SFMBT2: variants seen among roughly 807,000 people sequenced by gnomAD.
SFMBT2 encodes Scm like with four mbt domains 2.
SFMBT2 carries 38 observed loss-of-function variants against 110.1 expected under a neutral mutation model. The ratio of observed to expected loss-of-function variants is 0.35; its 90% CI spans 0.27 to 0.45. The LOEUF (loss-of-function observed/expected upper bound fraction) is 0.45. SFMBT2 is among the 20% of genes least tolerant of loss of function. SFMBT2 has a pLI of 1.00. For synonymous variants in SFMBT2, 425 were observed against 425.4 expected (o/e 1.00, Z 0.01); for missense variants, 1,011 against 1,094.9 (o/e 0.92, Z 1.08).
chr10:7,279,457 C>G (rs986827946), intron 6 of SFMBT2, among the ~76,000 whole-genome samples: 7 of 152,236 alleles, frequency 4.6e-5, no homozygotes, highest in Admixed American at 3.9e-4. Flanking sequence ...TGAAAATCAA[C>G]TGCAGTTTTG....
chr10:7,386,958 C>A (rs1845625377), intron 1 of SFMBT2, among the ~76,000 whole-genome samples: 1 of 152,200 alleles, frequency 6.6e-6, no homozygotes, highest in African/African-American at 2.4e-5. Flanking sequence ...TGAACCCACA[C>A]AACTGGCTCC....
chr10:7,184,652 G>T (rs1184233036), intron 16 of SFMBT2, among the ~76,000 whole-genome samples: 1 of 151,998 alleles, frequency 6.6e-6, no homozygotes, highest in Admixed American at 6.6e-5. Flanking sequence ...ATAACCACCG[G>T]CACGGCCCAA....
chr10:7,266,871 G>A (rs1841410420), intron 7 of SFMBT2, among the ~76,000 whole-genome samples: 1 of 152,184 alleles, frequency 6.6e-6, no homozygotes, highest in Non-Finnish European at 1.5e-5. Context: ...GCAGAGAAGG[G>A]TTCACCTGGG....
intron 1 of SFMBT2, among the ~76,000 whole-genome samples, chr10:7,401,053 A>G (rs1301736748): frequency 6.6e-6 from 1 of 152,118 alleles, no homozygotes; most frequent in African/African-American, 2.4e-5. Flanking sequence ...GAATTGCTTG[A>G]GCCCGGGAAA....
chr10:7,212,513 A>T (rs1048027155), intron 11 of SFMBT2, among the ~76,000 whole-genome samples: 3 of 152,362 alleles, frequency 2.0e-5, no homozygotes, highest in South Asian at 2.1e-4. Context: ...CAGCTGGAGC[A>T]CAGGCTCCCG....
intron 1 of SFMBT2, among the ~76,000 whole-genome samples, chr10:7,390,511 C>G (rs1404093273): frequency 6.6e-6 from 1 of 152,126 alleles, no homozygotes; most frequent in African/African-American, 2.4e-5. Flanking sequence ...ATCTTAGAAA[C>G]TATTACGTGT....
In SFMBT2 at chr10:7,367,696, G is replaced by T; in HGVS notation, c.389C>A (p.Pro130His). The T allele has an allele frequency of 6.2e-7, 1 of 1,613,848 alleles. No homozygotes were observed. The stretch of plus-strand genomic sequence containing the variant: ...GTTGTTCTGTGTGCACCACCCCACG[G>T]GGTGCAAATCCGCGATGACTACGTC... ...WCDVVIADLH[P>H]VGWCTQNNKV... Residue 130 changes from proline to histidine, a missense_variant, in exon 4 of 21, where the codon CCC becomes CAC. Pro to His is a moderately conservative substitution (Grantham distance 77). Coordinates refer to ENST00000397167, the MANE Select transcript of SFMBT2 (RefSeq NM_001387889.1). The surrounding 1 kb of genome is among the most constrained non-coding windows in gnomAD (Gnocchi z 6.2).
At position 7,170,529 on chromosome 10, in the gene SFMBT2, C is replaced by G. The variant is rs930761712; in HGVS notation, c.2544+399G>C. On this transcript the variant is annotated intron_variant, in intron 20 of 20. Transcript: ENST00000397167. The surrounding 1 kb of genome is among the most constrained non-coding windows in gnomAD (Gnocchi z 4.6). ...TGACCTGGCATCTGAAAGGGCCAGCCAGGGAACTGGGACTCTCACCCCTGC... is the reference window on the plus strand; with the variant it reads ...TGACCTGGCATCTGAAAGGGCCAGCGAGGGAACTGGGACTCTCACCCCTGC... Among the ~76,000 whole-genome samples, 1 of 152,170 alleles carries G rather than the reference C, an allele frequency of 6.6e-6. No individual in the cohort carries two copies. Among genetic ancestry groups the G allele is most frequent in the African/African-American group, 2.4e-5 (1 of 41,436 alleles).
intron 4 of SFMBT2, among the ~76,000 whole-genome samples, chr10:7,299,773 T>G (rs1460199280): frequency 1.3e-5 from 2 of 152,158 alleles, no homozygotes; most frequent in African/African-American, 4.8e-5. Flanking sequence ...TATAGTAGAA[T>G]GATTTATATA....
At chr10:7,282,973 G>A (rs905052296) in intron 6 of SFMBT2, among the ~76,000 whole-genome samples, 4 of 152,256 alleles carry the variant, frequency 2.6e-5, no homozygotes, top group Admixed American at 6.5e-5. Context: ...TTCAAAGGCC[G>A]GTAAGAGGAG....
At chr10:7,253,211 C>A (rs1764725436) in intron 7 of SFMBT2, among the ~76,000 whole-genome samples, 1 of 152,278 alleles carries the variant, frequency 6.6e-6, no homozygotes, top group Admixed American at 6.5e-5. Flanking sequence ...CTGTATGGTA[C>A]CCTTTACAAT....
At chr10:7,277,645 A>G (rs1164964999) in intron 6 of SFMBT2, among the ~76,000 whole-genome samples, 3 of 152,194 alleles carry the variant, frequency 2.0e-5, no homozygotes, top group African/African-American at 7.2e-5. Flanking sequence ...AAAAGGAAAA[A>G]AAAAAACGTT....
At chr10:7,184,530 C>T (rs1053124418) in intron 16 of SFMBT2, among the ~76,000 whole-genome samples, 1 of 151,928 alleles carries the variant, frequency 6.6e-6, no homozygotes, top group Non-Finnish European at 1.5e-5. Context: ...TCTTTATCAG[C>T]GGCATGAAAA....
intron 9 of SFMBT2, among the ~76,000 whole-genome samples, chr10:7,233,475 T>C (rs1437857866): frequency 2.6e-5 from 4 of 152,200 alleles, no homozygotes; most frequent in African/African-American, 9.7e-5. Flanking sequence ...CAGAGAATGT[T>C]TACTCTATTA....
chr10:7,184,318 G>A (rs889421952), intron 16 of SFMBT2, among the ~76,000 whole-genome samples: 1 of 152,102 alleles, frequency 6.6e-6, no homozygotes, highest in Non-Finnish European at 1.5e-5. Flanking sequence ...TACTTTTCCT[G>A]TGGTAGTGAA....
chr10:7,288,754 GGT>G (rs1393136228), intron 4 of SFMBT2, among the ~76,000 whole-genome samples: 1 of 152,132 alleles, frequency 6.6e-6, no homozygotes, highest in African/African-American at 2.4e-5. Context: ...ACAGCGGCCA[GGT>G]GCGGTGGCTC....
In SFMBT2 at chr10:7,170,605, C is replaced by T. The variant is rs561348077; in HGVS notation, c.2544+323G>A. Among the ~76,000 whole-genome samples the T allele has an allele frequency of 1.2e-3, 188 of 152,196 alleles. No homozygotes were observed. The highest frequency in any genetic ancestry group is 6.8e-3 in the Middle Eastern group (2 of 294). ...GAGTCGGTGGAGATGGCAGGGGGAGCGTGGACTCGCACCCCTCACCTGGCA... is the reference window on the plus strand; with the variant it reads ...GAGTCGGTGGAGATGGCAGGGGGAGTGTGGACTCGCACCCCTCACCTGGCA... On this transcript the variant is annotated intron_variant, in intron 20 of 20. Coordinates refer to ENST00000397167, the MANE Select transcript of SFMBT2 (RefSeq NM_001387889.1). The surrounding 1 kb of genome is among the most constrained non-coding windows in gnomAD (Gnocchi z 4.6).
At chr10:7,385,921 A>C (rs764581171) in intron 1 of SFMBT2, among the ~76,000 whole-genome samples, 1 of 152,044 alleles carries the variant, frequency 6.6e-6, no homozygotes, top group Non-Finnish European at 1.5e-5. Context: ...AATGGCGTGA[A>C]CCCGGGAGGC....
intron 15 of SFMBT2, among the ~76,000 whole-genome samples, chr10:7,189,911 G>A (rs1012575769): frequency 2.0e-5 from 3 of 152,244 alleles, no homozygotes; most frequent in African/African-American, 4.8e-5. Flanking sequence ...ATGGGAGAAT[G>A]TGGATGGAAT....
Sources: allele counts gnomAD v4.1 joint callset (sites outside exome capture counted in the v4.1 genomes callset), GRCh38; gene constraint gnomAD v4.1.1; non-coding constraint Gnocchi (gnomAD v3.1); transcripts MANE v1.5; gene names NCBI Gene and HGNC (gene_info 2026-07-23, HGNC 2026-07-21).